KMT2C: variants seen among roughly 807,000 people sequenced by gnomAD.
KMT2C encodes the protein lysine methyltransferase 2C.
A neutral mutation model predicts 507.9 loss-of-function variants in KMT2C; 88 were observed. The ratio of observed to expected loss-of-function variants is 0.17; its 90% CI spans 0.15 to 0.21. KMT2C has a LOEUF of 0.21. Ranked by LOEUF, KMT2C falls within the 10% of genes least tolerant of loss-of-function variation. The pLI is 1.00. For missense variants in KMT2C, 4,954 were observed against 5,957.8 expected (o/e 0.83, Z 5.55); for synonymous variants, 2,049 against 2,080.8 (o/e 0.98, Z 0.42).
At chr7:152,221,386 TTTACGTAAGAGAAGAGAGA>T (rs2094765350) in intron 22 of KMT2C, among the ~76,000 whole-genome samples, 1 of 152,208 alleles carries the variant, frequency 6.6e-6, no homozygotes, top group Non-Finnish European at 1.5e-5. Context: ...CAGGGATCTA[TTTACGTAAGAGAAGAGAGA>T]ATACTCCAGA....
At chr7:152,226,004 T>C (rs1588380664) in intron 18 of KMT2C, among the ~76,000 whole-genome samples, 2 of 152,068 alleles carry the variant, frequency 1.3e-5, no homozygotes, top group Admixed American at 1.3e-4. Context: ...ACAACTATAT[T>C]GGGAGAAGGA....
rs562892491 is a variant in KMT2C at position 152,175,816 on chromosome 7, G to A, written c.9262+375C>T. ...AGCACTTTGGGAGGCCAAAGCAGGC[G>A]GATCACCTGAGGTCAGGAGTTTGAG... is the stretch of plus-strand genomic sequence containing the variant. On this transcript the variant is annotated intron_variant, in intron 38 of 58. Transcript: ENST00000262189. Among the ~76,000 whole-genome samples the A allele has an allele frequency of 9.1e-4, 139 of 152,292 alleles. 1 individual carries two copies. Among genetic ancestry groups the A allele is most frequent in the Non-Finnish European group, 4.3e-4 (29 of 68,028 alleles).
At chr7:152,319,834 T>C (rs186548222) in intron 3 of KMT2C, among the ~76,000 whole-genome samples, 155 of 152,164 alleles carry the variant, frequency 1.0e-3, no homozygotes, top group Middle Eastern at 6.8e-3. Flanking sequence ...CCCTCTCCCT[T>C]TCCCTCTCTC....
intron 2 of KMT2C, among the ~76,000 whole-genome samples, chr7:152,351,824 C>T (rs2097113077): frequency 6.6e-6 from 1 of 152,174 alleles, no homozygotes; most frequent in Admixed American, 6.5e-5. Flanking sequence ...ATCTCTTAAT[C>T]CCGTCATTTT....
At chr7:152,151,132 G>T in intron 50 of KMT2C, 125 bp from the exon 51 acceptor site, 1 of 655,812 alleles carries the variant, frequency 1.5e-6, no homozygotes, top group Non-Finnish European at 2.6e-6. Context: ...TAGTAGAAAG[G>T]AAACTATGTT....
chr7:152,334,086 C>CT (rs1356017988), intron 2 of KMT2C, among the ~76,000 whole-genome samples: 1 of 151,824 alleles, frequency 6.6e-6, no homozygotes, highest in African/African-American at 2.4e-5. Flanking sequence ...TTGAATCCCC[C>CT]CCCAAAAAAA....
intron 2 of KMT2C, among the ~76,000 whole-genome samples, chr7:152,358,386 G>A (rs2097169240): frequency 6.6e-6 from 1 of 151,910 alleles, no homozygotes; most frequent in African/African-American, 2.4e-5. Context: ...TACTAAACCA[G>A]GGCTTAGGGA....
At chr7:152,354,959 G>C (rs763243687) in intron 2 of KMT2C, among the ~76,000 whole-genome samples, 3 of 152,142 alleles carry the variant, frequency 2.0e-5, no homozygotes, top group African/African-American at 4.8e-5. Flanking sequence ...CTATGTGTGG[G>C]ACAAGAGTAG....
intron 35 of KMT2C, 59 bp downstream of exon 35, chr7:152,182,915 C>T: frequency 8.2e-7 from 1 of 1,213,194 alleles, no homozygotes; most frequent in Non-Finnish European, 1.2e-6. Flanking sequence ...AATGCAAAGA[C>T]CTCCCTTCTC....
chr7:152,252,047 C>T lies in KMT2C; in HGVS notation c.1513G>A (p.Asp505Asn). 6.2e-7 allele frequency: 1 copy of T among 1,611,358 alleles called. No individual in the cohort carries two copies. The highest frequency in any genetic ancestry group is 8.5e-7 in the Non-Finnish European group (1 of 1,178,240). ...ECDKPTDHELDTQLKEEYICM... is the reference protein window; with the variant it reads ...ECDKPTDHELNTQLKEEYICM... ...ATATACTCTTCTTTGAGCTGAGTAT[C>T]CAGTTCATGATCTGTTGGTTTGTCA... The change falls in exon 11 of 59, where the codon GAT becomes AAT. Residue 505 changes from aspartate to asparagine, a missense_variant. By Grantham distance (23) the Asp-to-Asn change is conservative. Coordinates refer to ENST00000262189, the MANE Select transcript of KMT2C (RefSeq NM_170606.3).
intron 6 of KMT2C, among the ~76,000 whole-genome samples, chr7:152,299,248 G>T (rs2096543792): frequency 6.6e-6 from 1 of 151,980 alleles, no homozygotes; most frequent in South Asian, 2.1e-4. Flanking sequence ...AACCCAGGAG[G>T]CGGAGACTAC....
chr7:152,249,673 CAAAAAAAAAAAAAA>C (rs1183345172), intron 13 of KMT2C, among the ~76,000 whole-genome samples, 189 bp downstream of exon 13: 6 of 34,496 alleles, frequency 1.7e-4, no homozygotes, highest in African/African-American at 3.3e-4. Context: ...CTCCCCCCTC[CAAAAAAAAAAAAAA>C]AAAAAAAAAA....
intron 1 of KMT2C, among the ~76,000 whole-genome samples, chr7:152,393,489 C>A (rs2116564717): frequency 6.6e-6 from 1 of 152,252 alleles, no homozygotes; most frequent in East Asian, 1.9e-4. Flanking sequence ...AATAGCCACT[C>A]CCCACTCACA....
chr7:152,187,148 G>A, intron 33 of KMT2C, 114 bp downstream of exon 33: 3 of 745,740 alleles, frequency 4.0e-6, no homozygotes, highest in Non-Finnish European at 6.8e-6. Context: ...TTCATGTTGT[G>A]GGTCATCATA....
chr7:152,255,156 T>TGGG (rs2095639419), intron 9 of KMT2C, among the ~76,000 whole-genome samples: 1 of 136,816 alleles, frequency 7.3e-6, no homozygotes, highest in South Asian at 2.3e-4. Context: ...CATATATATA[T>TGGG]ATGTGTGTGT....
Position 152,252,064 on chromosome 7 carries a change from G to C in KMT2C, c.1496C>G (p.Pro499Arg). 1 of 1,610,846 alleles carries C rather than the reference G, an allele frequency of 6.2e-7. No homozygotes were observed. The highest frequency in any genetic ancestry group is 8.5e-7 in the Non-Finnish European group (1 of 1,178,390). ...KRWVHLECDKPTDHELDTQLK... is the reference protein window; with the variant it reads ...KRWVHLECDKRTDHELDTQLK... Reference sequence around the variant, plus strand: ...CTGAGTATCCAGTTCATGATCTGTTGGTTTGTCACACTCTAGGTGAACCCA... The same window carrying C: ...CTGAGTATCCAGTTCATGATCTGTTCGTTTGTCACACTCTAGGTGAACCCA... The change falls in exon 11 of 59, where the codon CCA (proline) becomes CGA (arginine). Residue 499 changes from proline (P) to arginine (R), a missense_variant. By Grantham distance (103) the Pro-to-Arg change is moderately radical. Coordinates refer to ENST00000262189, the MANE Select transcript of KMT2C (RefSeq NM_170606.3).
chr7:152,373,506 C>G (rs1480923647), intron 1 of KMT2C, among the ~76,000 whole-genome samples: 1 of 152,114 alleles, frequency 6.6e-6, no homozygotes, highest in Non-Finnish European at 1.5e-5. Flanking sequence ...CACAGGGAAT[C>G]AAACTTTAAA....
intron 1 of KMT2C, among the ~76,000 whole-genome samples, chr7:152,380,809 G>C (rs2097367320): frequency 6.6e-6 from 1 of 152,062 alleles, no homozygotes; most frequent in South Asian, 2.1e-4. Context: ...AAAAAGGAAG[G>C]AGGGGTAGCA....
intron 1 of KMT2C, among the ~76,000 whole-genome samples, chr7:152,430,219 A>T (rs1244361348): frequency 6.6e-6 from 1 of 152,054 alleles, no homozygotes; most frequent in Non-Finnish European, 1.5e-5. Context: ...TCTCTATTCT[A>T]CTTCGTAACT....
Sources: allele counts gnomAD v4.1 joint callset (sites outside exome capture counted in the v4.1 genomes callset), GRCh38; gene constraint gnomAD v4.1.1; transcripts MANE v1.5; gene names NCBI Gene and HGNC (gene_info 2026-07-23, HGNC 2026-07-21).